GALNT18: variants seen among roughly 807,000 people sequenced by gnomAD.
GALNT18 encodes polypeptide N-acetylgalactosaminyltransferase 18, also known as GalNAc-transferase 18.
Under a neutral mutation model 69.5 loss-of-function variants are expected in GALNT18, and 44 were observed. The ratio of observed to expected loss-of-function variants is 0.63; its 90% confidence interval spans 0.50 to 0.81. The LOEUF is 0.81. Ranked by LOEUF, GALNT18 falls within the 40% of genes least tolerant of loss-of-function variation. The pLI, the probability that GALNT18 is intolerant of heterozygous loss-of-function variation, is 0.00. For synonymous variants in GALNT18, 364 were observed against 318.2 expected (o/e 1.14, Z -1.53); for missense variants, 715 against 810.0 (o/e 0.88, Z 1.42).
intron 3 of GALNT18, among the ~76,000 whole-genome samples, chr11:11,406,627 G>C (rs961551303): frequency 6.6e-6 from 1 of 152,190 alleles, no homozygotes; most frequent in African/African-American, 2.4e-5. Context: ...TGAACACCAG[G>C]GACCCAGAGG....
At chr11:11,529,598 G>A (rs1402370693) in intron 1 of GALNT18, among the ~76,000 whole-genome samples, 3 of 151,010 alleles carry the variant, frequency 2.0e-5, no homozygotes, top group Non-Finnish European at 4.4e-5. Flanking sequence ...CAATAATAGT[G>A]TAAGCCAATT....
intron 1 of GALNT18, chr11:11,476,282 C>T (rs981981190): frequency 6.6e-6 from 1 of 152,134 alleles, no homozygotes. Flanking sequence ...AGTGACCCCT[C>T]GTCATCATGT....
intron 9 of GALNT18, among the ~76,000 whole-genome samples, chr11:11,300,827 C>T (rs1849481769): frequency 6.6e-6 from 1 of 152,232 alleles, no homozygotes; most frequent in African/African-American, 2.4e-5. Flanking sequence ...ACCACAGTCT[C>T]AGGGACTGGG....
intron 10 of GALNT18, among the ~76,000 whole-genome samples, chr11:11,272,053 C>T (rs1589993182): frequency 2.6e-5 from 4 of 152,294 alleles, no homozygotes; most frequent in African/African-American, 9.6e-5. Flanking sequence ...TTGTGCTCAA[C>T]TAGACTTTGG....
rs1031138652 is a variant in GALNT18 at position 11,586,957 on chromosome 11, C to T, written c.235+34402G>A. Among the ~76,000 whole-genome samples the T allele has an allele frequency of 6.6e-6, 1 of 152,076 alleles. No individual in the cohort carries two copies. Among genetic ancestry groups the T allele is most frequent in the African/African-American group, 2.4e-5 (1 of 41,364 alleles). ...GAGCCGAGATCGTGTCAAAGCACTC[C>T]AGCCTGGGGAACAAGAGTGAAACCC... On this transcript the variant is annotated intron_variant, in intron 1 of 10. Transcript: ENST00000227756. This position sits in a 1 kb window ranked among gnomAD's most constrained non-coding sequence, Gnocchi z 4.1.
At position 11,620,520 on chromosome 11, in the gene GALNT18, G is replaced by GGTAGGTCT. The variant is rs796129229; in HGVS notation, c.235+838_235+839insAGACCTAC. Among the ~76,000 whole-genome samples, 126 of 152,132 alleles carry GGTAGGTCT rather than the reference G, an allele frequency of 8.3e-4. No individual in the cohort carries two copies. The highest frequency in any genetic ancestry group is 2.9e-3 in the African/African-American group (122 of 41,432). On this transcript the variant is annotated intron_variant, in intron 1 of 10. Transcript: ENST00000227756. This position sits in a 1 kb window ranked among gnomAD's most constrained non-coding sequence, Gnocchi z 6.9. Reference sequence around the variant, plus strand: ...AACCTTACACTTCAGACCCAACCCAGGTCTGCTCAGCCCCGGCTGCTCCCA... The same window carrying GGTAGGTCT: ...AACCTTACACTTCAGACCCAACCCAGGTAGGTCTGTCTGCTCAGCCCCGGCTGCTCCCA...
chr11:11,532,290 C>T (rs1261187613), intron 1 of GALNT18, among the ~76,000 whole-genome samples: 1 of 152,168 alleles, frequency 6.6e-6, no homozygotes, highest in Non-Finnish European at 1.5e-5. Flanking sequence ...ACGGATTTTA[C>T]AACCATTTCT....
intron 3 of GALNT18, among the ~76,000 whole-genome samples, chr11:11,417,235 A>G (rs765417166): frequency 6.6e-6 from 1 of 152,210 alleles, no homozygotes; most frequent in Non-Finnish European, 1.5e-5. Flanking sequence ...ACTAAACCAT[A>G]TAGCCAACGA....
At chr11:11,408,724 A>G (rs1463961871) in intron 3 of GALNT18, among the ~76,000 whole-genome samples, 1 of 152,188 alleles carries the variant, frequency 6.6e-6, no homozygotes, top group Non-Finnish European at 1.5e-5. Flanking sequence ...CTGACATGCT[A>G]ACAGCCCCTA....
intron 8 of GALNT18, among the ~76,000 whole-genome samples, chr11:11,331,067 TGGGG>T (rs1850009997): frequency 6.6e-6 from 1 of 152,168 alleles, no homozygotes; most frequent in African/African-American, 2.4e-5. Flanking sequence ...GGGTGGAGTG[TGGGG>T]CATCAAAGGC....
In GALNT18 at chr11:11,466,853, T is replaced by C. The variant is rs1326408585; in HGVS notation, c.236-17917A>G. 1.3e-5 allele frequency among the ~76,000 whole-genome samples: 2 copies of C among 152,210 alleles called. 1 individual carries two copies. Among genetic ancestry groups the C allele is most frequent in the East Asian group, 3.9e-4 (2 of 5,188 alleles). Reference sequence around the variant, plus strand: ...AAGGGAGACCTGGGCAGGGTGTTCCTGAGCTCTTCAAACTGCTTCCAAAAG... The same window carrying C: ...AAGGGAGACCTGGGCAGGGTGTTCCCGAGCTCTTCAAACTGCTTCCAAAAG... On this transcript the variant is annotated intron_variant, in intron 1 of 10. Transcript: ENST00000227756.
intron 3 of GALNT18, among the ~76,000 whole-genome samples, chr11:11,393,300 C>T (rs1854238230): frequency 6.6e-6 from 1 of 152,240 alleles, no homozygotes; most frequent in African/African-American, 2.4e-5. Context: ...GGGCCACTGT[C>T]CATGTTCCCG....
At chr11:11,365,416 T>A (rs1400099079) in intron 6 of GALNT18, among the ~76,000 whole-genome samples, 1 of 152,200 alleles carries the variant, frequency 6.6e-6, no homozygotes, top group Non-Finnish European at 1.5e-5. Context: ...TTTGGGTTGG[T>A]TCCATGTCTT....
In GALNT18 at chr11:11,620,198, C is replaced by G. The variant is rs909462162; in HGVS notation, c.235+1161G>C. ...TTGCCAAGGTCTGCCATGCACTGGCCCCTGAGCCTGGTGGGCCTGCTAGGT... is the reference window on the plus strand; with the variant it reads ...TTGCCAAGGTCTGCCATGCACTGGCGCCTGAGCCTGGTGGGCCTGCTAGGT... On this transcript the variant is annotated intron_variant, in intron 1 of 10. Transcript: ENST00000227756. This position sits in a 1 kb window ranked among gnomAD's most constrained non-coding sequence, Gnocchi z 6.9. 6.6e-6 allele frequency among the ~76,000 whole-genome samples: 1 copy of G among 152,054 alleles called. No individual in the cohort carries two copies. Among genetic ancestry groups the G allele is most frequent in the Non-Finnish European group, 1.5e-5 (1 of 68,012 alleles).
At chr11:11,577,315 A>G (rs1858950021) in intron 1 of GALNT18, among the ~76,000 whole-genome samples, 1 of 152,052 alleles carries the variant, frequency 6.6e-6, no homozygotes, top group African/African-American at 2.4e-5. Flanking sequence ...GAGCCACTGA[A>G]TTGCCCCAGG....
rs1160953085 is a variant in GALNT18, at chr11:11,619,584, A to T, written c.235+1775T>A. Among the ~76,000 whole-genome samples the T allele has an allele frequency of 2.6e-5, 4 of 152,140 alleles. No individual in the cohort carries two copies. Among genetic ancestry groups the T allele is most frequent in the African/African-American group, 9.7e-5 (4 of 41,430 alleles). On this transcript the variant is annotated intron_variant, in intron 1 of 10. Transcript: ENST00000227756. This position sits in a 1 kb window ranked among gnomAD's most constrained non-coding sequence, Gnocchi z 4.9. ...CTGACCAGAAAGAAAAGCACAAGAG[A>T]ATCATTTTCCAGGAACACACACACA...
At chr11:11,376,833 T>C (rs1589951313) in intron 5 of GALNT18, among the ~76,000 whole-genome samples, 2 of 152,216 alleles carry the variant, frequency 1.3e-5, no homozygotes, top group East Asian at 3.8e-4. Flanking sequence ...CATGGTAGAA[T>C]AATGTTCCTA....
chr11:11,577,786 T>G (rs1316373340), intron 1 of GALNT18, among the ~76,000 whole-genome samples: 1 of 152,120 alleles, frequency 6.6e-6, no homozygotes, highest in Admixed American at 6.5e-5. Flanking sequence ...ATTAGGAAGA[T>G]CATTGGTTTG....
chr11:11,450,964 T>C (rs2133822957), intron 1 of GALNT18, among the ~76,000 whole-genome samples: 1 of 152,216 alleles, frequency 6.6e-6, no homozygotes, highest in South Asian at 2.1e-4. Context: ...AATGAGCTGC[T>C]AAAGTACGTG....
Sources: allele counts gnomAD v4.1 joint callset (sites outside exome capture counted in the v4.1 genomes callset), GRCh38; gene constraint gnomAD v4.1.1; non-coding constraint Gnocchi (gnomAD v3.1); transcripts MANE v1.5; gene names NCBI Gene and HGNC (gene_info 2026-07-23, HGNC 2026-07-21).